RLF: variants seen among roughly 807,000 people sequenced by gnomAD.
RLF encodes RLF zinc finger.
RLF carries 7 observed loss-of-function variants against 162.9 expected under a neutral mutation model. The ratio of observed to expected loss-of-function variants is 0.04; its 90% CI spans 0.02 to 0.08. The LOEUF (loss-of-function observed/expected upper bound fraction) is 0.08. Ranked by LOEUF, RLF falls within the 10% of genes least tolerant of loss-of-function variation. The probability of loss-of-function intolerance (pLI) is 1.00; values close to 1 mark genes in which losing one functional copy is unlikely to be tolerated. For synonymous variants in RLF, 782 were observed against 791.5 expected, an observed-to-expected ratio of 0.99 and a Z score of 0.20; for missense variants, 1,664 against 2,244.7, an observed-to-expected ratio of 0.74 and a Z score of 5.23.
In RLF at chr1:40,161,999, A is replaced by G. The variant is rs1385372677; in HGVS notation, c.237+363A>G. Among the ~76,000 whole-genome samples, 2 of 152,088 alleles carry G rather than the reference A, an allele frequency of 1.3e-5. No homozygotes were observed. The highest frequency in any genetic ancestry group is 2.9e-5 in the Non-Finnish European group (2 of 68,012). ...TGCCGGGAGATCCTTTTTTGAGTGG[A>G]GTGCAGATCTCCGAACTGGTAAACC... On this transcript the variant is annotated intron_variant, in intron 1 of 7. Coordinates refer to ENST00000372771, the MANE Select transcript of RLF (RefSeq NM_012421.4). The surrounding 1 kb of genome is among the most constrained non-coding windows in gnomAD (Gnocchi z 4.4).
At chr1:40,165,749 C>T (rs1035262784) in intron 1 of RLF, among the ~76,000 whole-genome samples, 1 of 152,070 alleles carries the variant, frequency 6.6e-6, no homozygotes, top group Non-Finnish European at 1.5e-5. Context: ...TAATCTTGTT[C>T]GTCACTTTAT....
In RLF at chr1:40,238,346, A is replaced by G; in HGVS notation, c.3644A>G (p.Glu1215Gly). ...KLLDNEKCDHEGPCSVDRLKG... is the reference protein window; with the variant it reads ...KLLDNEKCDHGGPCSVDRLKG... ...TTAGATAATGAAAAGTGTGATCATG[A>G]AGGCCCATGTTCAGTAGATAGGTTG... Residue 1215 changes from glutamate to glycine, a missense_variant, in exon 8 of 8, where the codon GAA becomes GGA. Physicochemically the swap from Glu to Gly is moderately conservative, Grantham distance 98. This residue lies in a region of RLF where 102 missense variants were observed against 109.5 expected (regional missense o/e 0.93). Transcript: ENST00000372771. This position sits in a 1 kb window ranked among gnomAD's most constrained non-coding sequence, Gnocchi z 5.2. The G allele has an allele frequency of 6.2e-7, 1 of 1,614,156 alleles. No individual in the cohort carries two copies. The highest frequency in any genetic ancestry group is 1.1e-5 in the South Asian group (1 of 91,076).
chr1:40,231,403 GTTTTTGT>G (rs1643150036), intron 6 of RLF, 107 bp from the exon 7 acceptor site: 1 of 816,672 alleles, frequency 1.2e-6, no homozygotes, highest in South Asian at 1.7e-5. Context: ...TTTTAATCTA[GTTTTTGT>G]TTTCTCTACT....
rs778000062 is a variant in RLF at position 40,231,648 on chromosome 1, T to C, written c.1079T>C (p.Ile360Thr). The C allele has an allele frequency of 8.1e-6, 13 of 1,612,668 alleles. No individual in the cohort carries two copies. Among genetic ancestry groups the C allele is most frequent in the Admixed American group, 5.0e-5 (3 of 59,582 alleles). Residue 360 changes from isoleucine (I) to threonine (T), a missense_variant, in exon 7 of 8, where the codon ATA becomes ACA. By Grantham distance (89) the Ile-to-Thr change is moderately conservative. Around this residue, in one of 15 missense-constraint regions of RLF, gnomAD observed 287 missense variants for 404.9 expected, o/e 0.71. Coordinates refer to ENST00000372771, the MANE Select transcript of RLF (RefSeq NM_012421.4). ...QQHLFCLIRV[I>T]QTEAQDAGLG... is the part of the protein sequence containing the mutation. ...CATTTATTTTGCCTCATTAGAGTTA[T>C]ACAAACTGAAGTGAGTACTTTATGC...
At position 40,202,415 on chromosome 1, in the gene RLF, A is replaced by G. The variant is rs1352564008; in HGVS notation, c.611A>G (p.Asn204Ser). ...SQQPVETEEV[N>S]KLIAQEGPSF... ...TTTTATTTTTCATTTTTTCTAGTCA[A>G]TAAATTGATTGCACAAGAAGGACCT... Residue 204 changes from asparagine (N) to serine (S), a missense_variant, in exon 5 of 8, where the codon AAT (asparagine) becomes AGT (serine). Physicochemically the swap from Asn to Ser is conservative, Grantham distance 46. Transcript: ENST00000372771. 3.2e-6 allele frequency: 5 copies of G among 1,566,996 alleles called. No homozygotes were observed. In the East Asian group the frequency reaches 9.5e-5, roughly 30 times the overall value.
At chr1:40,224,306 CTTTTT>C (rs869123049) in intron 6 of RLF, among the ~76,000 whole-genome samples, 1 of 127,938 alleles carries the variant, frequency 7.8e-6, no homozygotes, top group Non-Finnish European at 1.7e-5. Context: ...GCAATTGCAT[CTTTTT>C]TTTTTTTTTT....
chr1:40,189,024 T>C (rs1214634026), intron 1 of RLF, 31 bp from the exon 2 acceptor site: 3 of 1,404,084 alleles, frequency 2.1e-6, no homozygotes, highest in Non-Finnish European at 9.7e-7. Flanking sequence ...ATTATTTTTA[T>C]TTGTAAATAA....
rs1286589101 is a variant in RLF, at chr1:40,161,851, CCTTA to C, written c.237+218_237+221del. ...CACCGCTGGGTCGTTTTGCTCTGAGCCTTACTGAGATCCCGGAGGGCCCTGGCGG... is the reference window on the plus strand; with the variant it reads ...CACCGCTGGGTCGTTTTGCTCTGAGCCTGAGATCCCGGAGGGCCCTGGCGG... On this transcript the variant is annotated intron_variant, in intron 1 of 7. Coordinates refer to ENST00000372771, the MANE Select transcript of RLF (RefSeq NM_012421.4). This position sits in a 1 kb window ranked among gnomAD's most constrained non-coding sequence, Gnocchi z 4.4. 2.6e-5 allele frequency among the ~76,000 whole-genome samples: 4 copies of C among 152,150 alleles called. No individual in the cohort carries two copies. Among genetic ancestry groups the C allele is most frequent in the Non-Finnish European group, 5.9e-5 (4 of 68,024 alleles).
At chr1:40,223,467 A>G (rs989829310) in intron 6 of RLF, among the ~76,000 whole-genome samples, 20 of 152,208 alleles carry the variant, frequency 1.3e-4, no homozygotes, top group African/African-American at 4.8e-5. Context: ...TTTAATTCTA[A>G]GAATGGGTTG....
At chr1:40,186,497 G>T (rs1383902826) in intron 1 of RLF, among the ~76,000 whole-genome samples, 1 of 152,232 alleles carries the variant, frequency 6.6e-6, no homozygotes, top group Non-Finnish European at 1.5e-5. Flanking sequence ...GCTTACAGAA[G>T]TCCTGGTGGA....
At chr1:40,175,591 G>A (rs925244826) in intron 1 of RLF, among the ~76,000 whole-genome samples, 69 of 152,234 alleles carry the variant, frequency 4.5e-4, no homozygotes, top group African/African-American at 1.7e-3. Context: ...GGAGGTTGCA[G>A]TGAGCTGAGA....
intron 5 of RLF, among the ~76,000 whole-genome samples, chr1:40,219,433 G>A (rs1199027397): frequency 1.3e-5 from 2 of 152,082 alleles, no homozygotes; most frequent in African/African-American, 4.8e-5. Context: ...TAACAGATAT[G>A]AAAAAACTCT....
chr1:40,163,387 TC>T (rs1286000136), intron 1 of RLF, among the ~76,000 whole-genome samples: 3 of 152,130 alleles, frequency 2.0e-5, no homozygotes, highest in African/African-American at 7.2e-5. Context: ...TTGAGTTGTC[TC>T]CCTGGAAAGA....
chr1:40,204,698 AG>A (rs1642765662), intron 5 of RLF, among the ~76,000 whole-genome samples: 1 of 152,146 alleles, frequency 6.6e-6, no homozygotes, highest in Non-Finnish European at 1.5e-5. Context: ...CTGGGATTAC[AG>A]GTGTGAGCCA....
chr1:40,237,039 T>C lies in RLF; in HGVS notation c.2337T>C (p.Asn779=). The C allele has an allele frequency of 6.2e-7, 1 of 1,614,160 alleles. No homozygotes were observed. Among genetic ancestry groups the C allele is most frequent in the South Asian group, 1.1e-5 (1 of 91,074 alleles). The change falls in exon 8 of 8, where the codon AAT becomes AAC. Residue 779 remains asparagine (N), a synonymous_variant. Transcript: ENST00000372771. This position sits in a 1 kb window ranked among gnomAD's most constrained non-coding sequence, Gnocchi z 4.4. ...ACAAATGTGAATTAAATGGCTGTAA[T>C]ATTGTTTTCAGTGACTTGGGACAGC... ...LRYKCELNGC[N]IVFSDLGQLY...
intron 5 of RLF, among the ~76,000 whole-genome samples, chr1:40,206,778 G>A (rs1484522748): frequency 1.3e-5 from 2 of 152,148 alleles, no homozygotes; most frequent in South Asian, 4.1e-4. Flanking sequence ...GGATGTTCCT[G>A]TCTTAGAGCT....
intron 1 of RLF, among the ~76,000 whole-genome samples, chr1:40,179,034 C>T (rs768060706): frequency 1.3e-5 from 2 of 151,240 alleles, no homozygotes; most frequent in African/African-American, 2.4e-5. Context: ...AGCATTTCGC[C>T]GTGTTGGCCA....
Position 40,239,718 on chromosome 1 carries a change from G to A in RLF, c.5016G>A (p.Leu1672=). The A allele has an allele frequency of 6.2e-7, 1 of 1,614,166 alleles. No individual in the cohort carries two copies. Among genetic ancestry groups the A allele is most frequent in the Non-Finnish European group, 8.5e-7 (1 of 1,180,028 alleles). The change falls in exon 8 of 8, where the codon TTG becomes TTA. Residue 1672 remains leucine, a synonymous_variant. Coordinates refer to ENST00000372771, the MANE Select transcript of RLF (RefSeq NM_012421.4). The part of the protein sequence containing the change: ...DADTLLYRGT[L]KCNHSSKTTS... Reference sequence around the variant, plus strand: ...ATACTCTGCTCTACAGGGGAACTTTGAAATGTAATCATAGTTCCAAAACCA... The same window carrying A: ...ATACTCTGCTCTACAGGGGAACTTTAAAATGTAATCATAGTTCCAAAACCA...
intron 2 of RLF, among the ~76,000 whole-genome samples, chr1:40,190,071 T>C (rs916385283): frequency 6.6e-6 from 1 of 152,148 alleles, no homozygotes; most frequent in Non-Finnish European, 1.5e-5. Context: ...GCATTCCTGG[T>C]TTTATGATCA....
Sources: allele counts gnomAD v4.1 joint callset (sites outside exome capture counted in the v4.1 genomes callset), GRCh38; gene constraint gnomAD v4.1.1; regional missense constraint gnomAD v4.1.1; non-coding constraint Gnocchi (gnomAD v3.1); transcripts MANE v1.5; gene names NCBI Gene and HGNC (gene_info 2026-07-23, HGNC 2026-07-21).